Variants in CELF1 observed in about 807,000 individuals in gnomAD.
CELF1 encodes CUGBP Elav-like family member 1.
In CELF1, 10 loss-of-function variants were observed where a neutral mutation model predicts 61.8. The ratio of observed to expected loss-of-function variants is 0.16; its 90% CI spans 0.10 to 0.27. The LOEUF is 0.27. Ranked by LOEUF, CELF1 falls within the 10% of genes least tolerant of loss-of-function variation. The pLI, the probability that CELF1 is intolerant of heterozygous loss-of-function variation, is 1.00. For synonymous variants in CELF1, 236 were observed against 225.1 expected, an observed-to-expected ratio of 1.05 and a Z score of -0.43; for missense variants, 380 against 639.1, an observed-to-expected ratio of 0.59 and a Z score of 4.37.
chr11:47,542,435 G>A (rs1256438776), intron 1 of CELF1, among the ~76,000 whole-genome samples: 2 of 151,560 alleles, frequency 1.3e-5, no homozygotes, highest in African/African-American at 4.9e-5. Flanking sequence ...TTGATTAAGT[G>A]AGATCCATTA....
At chr11:47,531,970 A>G (rs1350676371) in intron 1 of CELF1, among the ~76,000 whole-genome samples, 1 of 152,180 alleles carries the variant, frequency 6.6e-6, no homozygotes, top group Non-Finnish European at 1.5e-5. Context: ...CATGACTTAA[A>G]TGGAGATAAA....
At chr11:47,544,193 A>T (rs1051885562) in intron 1 of CELF1, among the ~76,000 whole-genome samples, 2 of 152,256 alleles carry the variant, frequency 1.3e-5, no homozygotes, top group Admixed American at 6.5e-5. Context: ...CTGACATAGT[A>T]GCTACTGCTC....
chr11:47,488,499 C>T (rs1246693416), intron 4 of CELF1, among the ~76,000 whole-genome samples: 2 of 152,178 alleles, frequency 1.3e-5, no homozygotes, highest in Admixed American at 6.5e-5. Flanking sequence ...TATCTGTTCC[C>T]AAGGTCAAAT....
chr11:47,479,013 A>G (rs2081484429), intron 9 of CELF1, 61 bp from the exon 10 acceptor site: 1 of 1,369,556 alleles, frequency 7.3e-7, no homozygotes, highest in Admixed American at 1.9e-5. Flanking sequence ...TGCATCTGGG[A>G]TAACTCTACA....
intron 1 of CELF1, among the ~76,000 whole-genome samples, chr11:47,538,218 T>C (rs2096678652): frequency 6.6e-6 from 1 of 152,158 alleles, no homozygotes; most frequent in African/African-American, 2.4e-5. Context: ...TGGCCCATAA[T>C]ATTGTTTAGA....
Position 47,477,347 on chromosome 11 carries a change from G to A in CELF1, c.923C>T (p.Thr308Ile). Reference protein sequence around the residue: ...ASAAQNTPSGTNALTTSSSPL... With the variant: ...ASAAQNTPSGINALTTSSSPL... ...ACTGCTGGATGTAGTGAGAGCATTG[G>A]TACCACTTGGTGTGTTCTGAGCTGC... The change falls in exon 11 of 15, where the codon ACC (threonine) becomes ATC (isoleucine). Residue 308 changes from threonine to isoleucine, a missense_variant. Physicochemically the swap from Thr to Ile is moderately conservative, Grantham distance 89 (BLOSUM62 -1). Transcript: ENST00000687097. The A allele has an allele frequency of 6.2e-7, 1 of 1,613,824 alleles. No homozygotes were observed. The highest frequency in any genetic ancestry group is 8.5e-7 in the Non-Finnish European group (1 of 1,179,760).
intron 1 of CELF1, among the ~76,000 whole-genome samples, chr11:47,503,493 T>C (rs2094171376): frequency 6.6e-6 from 1 of 152,162 alleles, no homozygotes; most frequent in Non-Finnish European, 1.5e-5. Context: ...AAGCTACTAC[T>C]GAAAAGGGAA....
In CELF1 at chr11:47,562,171, A is replaced by G. The variant is rs1302074780; in HGVS notation, c.-11+2180T>C. 2.0e-5 allele frequency among the ~76,000 whole-genome samples: 3 copies of G among 149,118 alleles called. No individual in the cohort carries two copies. The South Asian group carries it at 6.3e-4, about 31-fold the overall frequency. ...AACCTGAGAGGCGGAGGTTGTGGTGAGCTGAGATTGTGCCATTGCACTCCA... is the reference window on the plus strand; with the variant it reads ...AACCTGAGAGGCGGAGGTTGTGGTGGGCTGAGATTGTGCCATTGCACTCCA... On this transcript the variant is annotated intron_variant, in intron 2 of 3. Transcript: ENST00000525841.
At chr11:47,481,083 T>G (rs1313120995) in intron 9 of CELF1, among the ~76,000 whole-genome samples, 27 of 104,078 alleles carry the variant, frequency 2.6e-4, no homozygotes, top group Non-Finnish European at 4.6e-4. Flanking sequence ...AAACTGGGGT[T>G]TTTTTTTTTT....
chr11:47,493,319 G>A (rs1021620774), intron 3 of CELF1, among the ~76,000 whole-genome samples: 16 of 143,748 alleles, frequency 1.1e-4, no homozygotes, highest in Admixed American at 1.0e-3. Flanking sequence ...TGAACAACAC[G>A]GTGAAACCCC....
upstream of CELF1, chr11:47,553,220 G>C (rs2097187481): frequency 7.7e-6 from 3 of 387,540 alleles, no homozygotes; most frequent in Non-Finnish European, 9.1e-6. Flanking sequence ...GTATCACCGC[G>C]GCGCCGCCCG....
At chr11:47,546,343 T>C (rs1440200008) in intron 1 of CELF1, among the ~76,000 whole-genome samples, 1 of 151,494 alleles carries the variant, frequency 6.6e-6, no homozygotes, top group East Asian at 1.9e-4. Flanking sequence ...CTTGGCTCAC[T>C]GCAACCTCTG....
intron 1 of CELF1, among the ~76,000 whole-genome samples, chr11:47,531,141 G>C (rs1478900098): frequency 1.3e-5 from 2 of 152,000 alleles, no homozygotes. Context: ...CAGCTACTCG[G>C]GAAGCTGAGG....
chr11:47,492,685 C>CG (rs1565809696), intron 3 of CELF1, among the ~76,000 whole-genome samples: 1 of 151,970 alleles, frequency 6.6e-6, no homozygotes, highest in Non-Finnish European at 1.5e-5. Flanking sequence ...TGAGCTGAGA[C>CG]GGGGCCACTG....
intron 8 of CELF1, among the ~76,000 whole-genome samples, chr11:47,483,163 C>A (rs1480514450): frequency 6.6e-6 from 1 of 151,942 alleles, no homozygotes; most frequent in Admixed American, 6.6e-5. Flanking sequence ...ACTTGAGTGG[C>A]AGAGGTAGGG....
chr11:47,554,531 C>A (rs753830372), upstream of CELF1, among the ~76,000 whole-genome samples: 5 of 152,146 alleles, frequency 3.3e-5, no homozygotes, highest in Admixed American at 6.6e-5. Context: ...TAAGTGTCAC[C>A]TTCTCAGTCC....
At position 47,475,476 on chromosome 11, in the gene CELF1, T is replaced by C. The variant is rs865992638; in HGVS notation, c.1133A>G (p.Asn378Ser). 15 of 1,613,920 alleles carry C rather than the reference T, an allele frequency of 9.3e-6. No homozygotes were observed. The highest frequency in any genetic ancestry group is 5.3e-5 in the African/African-American group (4 of 74,930). The part of the protein sequence containing the change: ...NGGLGSSGLS[N>S]GTGSTMEALT... ...GGCCTCCATGGTGCTCCCGGTGCCA[T>C]TGGAAAGGCCACTGCTGCCCAGGCC... Residue 378 changes from asparagine (N) to serine (S), a missense_variant, in exon 13 of 15, where the codon AAT becomes AGT. By Grantham distance (46) the Asn-to-Ser change is conservative. Transcript: ENST00000687097.
At chr11:47,555,268 TTCACAATA>T (rs1222949581), upstream of CELF1, among the ~76,000 whole-genome samples, 1 of 152,228 alleles carries the variant, frequency 6.6e-6, no homozygotes, top group Non-Finnish European at 1.5e-5. Context: ...TCCAGTGCTT[TTCACAATA>T]TCTGACTCAA....
chr11:47,473,345 G>T, intron 13 of CELF1, 114 bp from the exon 14 acceptor site: 1 of 971,392 alleles, frequency 1.0e-6, no homozygotes, highest in Non-Finnish European at 1.5e-6. Context: ...TAAAAACAGA[G>T]ATTCATCTGG....
Sources: gnomAD v4.1 joint callset for allele counts (sites outside exome capture counted in the v4.1 genomes callset) on GRCh38, gnomAD v4.1.1 for gene constraint, MANE v1.5 for transcripts, NCBI Gene and HGNC (gene_info 2026-07-23, HGNC 2026-07-21) for gene names.